The following NTAN1 variants were observed in gnomAD, a reference collection of about 807,000 sequenced individuals.
The protein encoded by NTAN1 is protein N-terminal asparagine amidohydrolase.
In NTAN1, 32 loss-of-function variants were observed where a neutral mutation model predicts 41.9. The observed-to-expected ratio is 0.76, with a 90% CI of 0.58 to 1.03. The LOEUF (loss-of-function observed/expected upper bound fraction) is 1.03. Among genes scored for constraint, NTAN1 ranks in the 50% least tolerant of loss-of-function variants. NTAN1 has a pLI of 0.00. For missense variants in NTAN1, 377 were observed against 377.5 expected (o/e 1.00, Z 0.01); for synonymous variants, 140 against 139.5 (o/e 1.00, Z -0.03).
Position 15,037,905 on chromosome 16 carries a change from T to TGAAAGACACTG in NTAN1, c.*115_*125dup. ...TGAAAGTCATTTGATGAAAGTCATT[T>TGAAAGACACTG]GAAAGACACTGAGGAGGGAAGGAGG... On this transcript the variant is annotated 3_prime_UTR_variant, in exon 10 of 10. Transcript: ENST00000287706. The TGAAAGACACTG allele has an allele frequency of 1.7e-6, 1 of 598,162 alleles. No homozygotes were observed. The highest frequency in any genetic ancestry group is 3.0e-6 in the Non-Finnish European group (1 of 337,826). The allele number at this position is 598,162 out of a possible 1,614,324, so 37.1% of individuals were successfully genotyped here.
intron 1 of NTAN1, 111 bp from the exon 2 acceptor site, chr16:15,048,210 G>A (rs980431442): frequency 5.8e-6 from 4 of 691,880 alleles, no homozygotes; most frequent in African/African-American, 1.8e-5. Context: ...GCTAGTGTGT[G>A]GGGAGTGTGT....
chr16:15,044,474 G>C lies in NTAN1; in HGVS notation c.360-67C>G, dbSNP rs542011111. The C allele has an allele frequency of 1.2e-5, 12 of 1,022,156 alleles. No homozygotes were observed. The Admixed American group carries it at 1.7e-4, about 15-fold the overall frequency. 63.3% of individuals were successfully genotyped at this position (1,022,156 alleles called of 1,614,324 possible). On this transcript the variant is annotated intron_variant, in intron 4 of 9. Coordinates refer to ENST00000287706, the MANE Select transcript of NTAN1 (RefSeq NM_173474.4). ...CCGGTGCGTGCGCTGGTCTCACTTT[G>C]AACTTTCATTCTCAGTTTCCATGAA...
chr16:15,054,663 G>C (rs1368635729), intron 1 of NTAN1, among the ~76,000 whole-genome samples: 1 of 152,142 alleles, frequency 6.6e-6, no homozygotes, highest in African/African-American at 2.4e-5. Flanking sequence ...GTAAGTCCTT[G>C]TCACCCTTCA....
At chr16:15,050,787 C>G (rs1222419490) in intron 1 of NTAN1, among the ~76,000 whole-genome samples, 1 of 152,006 alleles carries the variant, frequency 6.6e-6, no homozygotes, top group Non-Finnish European at 1.5e-5. Context: ...ACATAATGAT[C>G]AGCTTGATTA....
At chr16:15,047,268 TTCAC>T in intron 4 of NTAN1, 170 bp downstream of exon 4, 1 of 603,968 alleles carries the variant, frequency 1.7e-6, no homozygotes. Flanking sequence ...CACCCACTCA[TTCAC>T]TCAACCACTG....
At chr16:15,048,228 CAGAG>C in intron 1 of NTAN1, 129 bp from the exon 2 acceptor site, 1 of 632,294 alleles carries the variant, frequency 1.6e-6, no homozygotes, top group Non-Finnish European at 2.8e-6. Flanking sequence ...TGTTAGTGGA[CAGAG>C]AGGCTCAAAG....
At chr16:15,041,252 A>C in intron 6 of NTAN1, 131 bp from the exon 7 acceptor site, 1 of 697,956 alleles carries the variant, frequency 1.4e-6, no homozygotes, top group Non-Finnish European at 2.5e-6. Context: ...AATGAAAGGG[A>C]TTGTGGCCCT....
At chr16:15,051,332 A>C (rs1182275316) in intron 1 of NTAN1, among the ~76,000 whole-genome samples, 1 of 152,208 alleles carries the variant, frequency 6.6e-6, no homozygotes, top group Admixed American at 6.5e-5. Flanking sequence ...CAGAAAACTA[A>C]AACAGTAGAC....
chr16:15,039,930 T>TC, intron 8 of NTAN1, 39 bp downstream of exon 8: 1 of 1,226,678 alleles, frequency 8.2e-7, no homozygotes, highest in South Asian at 1.3e-5. Flanking sequence ...TGATGCCTTT[T>TC]TTTTTTTAAC....
At chr16:15,038,884 G>A (rs1475294524) in intron 8 of NTAN1, among the ~76,000 whole-genome samples, 197 bp from the exon 9 acceptor site, 2 of 152,180 alleles carry the variant, frequency 1.3e-5, no homozygotes, top group East Asian at 1.9e-4. Flanking sequence ...GGGCACGCAC[G>A]ACTGCTGAGC....
intron 5 of NTAN1, among the ~76,000 whole-genome samples, chr16:15,044,103 A>G (rs1044364776): frequency 6.6e-6 from 1 of 152,142 alleles, no homozygotes; most frequent in African/African-American, 2.4e-5. Flanking sequence ...GAATGTGTTC[A>G]CTGCTGTTTT....
intron 7 of NTAN1, 30 bp from the exon 8 acceptor site, chr16:15,040,096 T>TCA: frequency 7.8e-7 from 1 of 1,284,476 alleles, no homozygotes; most frequent in East Asian, 2.3e-5. Context: ...GACTCTGAAT[T>TCA]GACAAAAGAC....
intron 5 of NTAN1, among the ~76,000 whole-genome samples, chr16:15,041,905 G>A (rs992667076): frequency 1.4e-4 from 22 of 152,196 alleles, no homozygotes; most frequent in African/African-American, 4.1e-4. Context: ...CAGGCCCGAA[G>A]GAGCCTGGGC....
chr16:15,048,306 G>GT (rs1273043300), intron 1 of NTAN1, among the ~76,000 whole-genome samples: 2 of 152,178 alleles, frequency 1.3e-5, no homozygotes, highest in Non-Finnish European at 2.9e-5. Context: ...CTGCGCGGTG[G>GT]TTTTTTTAAC....
chr16:15,055,649 C>A, intron 1 of NTAN1: 1 of 350,128 alleles, frequency 2.9e-6, no homozygotes, highest in Non-Finnish European at 5.1e-6. Context: ...GGGCAAGTCA[C>A]CTAACCTCTC....
intron 1 of NTAN1, among the ~76,000 whole-genome samples, chr16:15,048,595 T>C (rs1227751363): frequency 1.3e-5 from 2 of 152,106 alleles, no homozygotes; most frequent in African/African-American, 4.8e-5. Flanking sequence ...TACACAGGAA[T>C]AGTGGATGGA....
chr16:15,043,317 T>G (rs1216230573), intron 5 of NTAN1, among the ~76,000 whole-genome samples: 1 of 152,190 alleles, frequency 6.6e-6, no homozygotes, highest in Non-Finnish European at 1.5e-5. Context: ...ATTACAGGCA[T>G]GAGCCACCGT....
intron 8 of NTAN1, among the ~76,000 whole-genome samples, chr16:15,038,889 C>CTGAGCGCCAACAGCAGTCCCA (rs2043675328): frequency 6.6e-6 from 1 of 152,212 alleles, no homozygotes; most frequent in Non-Finnish European, 1.5e-5. Flanking sequence ...CGCACGACTG[C>CTGAGCGCCAACAGCAGTCCCA]TGAGCGCCAA....
At chr16:15,041,521 C>CA in intron 6 of NTAN1, 102 bp downstream of exon 6, 1 of 818,092 alleles carries the variant, frequency 1.2e-6, no homozygotes, top group Non-Finnish European at 2.2e-6. Context: ...GGTGGCCAAG[C>CA]AGTGACAGCA....
Sources: allele counts gnomAD v4.1 joint callset (sites outside exome capture counted in the v4.1 genomes callset), GRCh38; gene constraint gnomAD v4.1.1; transcripts MANE v1.5; gene names NCBI Gene and HGNC (gene_info 2026-07-23, HGNC 2026-07-21).